MYPN: variants seen among roughly 807,000 people sequenced by gnomAD.
MYPN encodes sarcomeric protein myopalladin, 145 kDa (MYOP).
A neutral mutation model predicts 129.4 loss-of-function variants in MYPN; 63 were observed. That is an observed-to-expected ratio of 0.49 (90% CI 0.40 to 0.60). MYPN has a LOEUF of 0.60. Ranked by LOEUF, MYPN falls within the 20% of genes least tolerant of loss-of-function variation. MYPN has a pLI of 0.00. For missense variants in MYPN, 1,596 were observed against 1,635.4 expected (o/e 0.98, Z 0.42); for synonymous variants, 629 against 600.9 (o/e 1.05, Z -0.68).
intron 10 of MYPN, among the ~76,000 whole-genome samples, chr10:68,171,764 T>C (rs1485147351): frequency 6.6e-6 from 1 of 152,218 alleles, no homozygotes; most frequent in Non-Finnish European, 1.5e-5. Context: ...GGCAAATGTT[T>C]AATGACTGAC....
At chr10:68,122,475 G>A (rs1385297108) in intron 2 of MYPN, 135 bp downstream of exon 2, 6 of 865,658 alleles carry the variant, frequency 6.9e-6, no homozygotes, top group African/African-American at 3.4e-5. Context: ...ATCTAAAGCA[G>A]CTTGGTCCAA....
chr10:68,124,749 C>T (rs1270514583), intron 2 of MYPN, among the ~76,000 whole-genome samples: 2 of 152,122 alleles, frequency 1.3e-5, no homozygotes, highest in Non-Finnish European at 2.9e-5. Flanking sequence ...AACAGGAAAA[C>T]AAGAAACTCA....
chr10:68,202,102 T>C (rs1191471684), intron 18 of MYPN, 108 bp downstream of exon 18: 2 of 1,300,916 alleles, frequency 1.5e-6, no homozygotes, highest in East Asian at 4.6e-5. Context: ...TTTAGAATAA[T>C]GCATTTGCGT....
At chr10:68,205,133 C>T (rs1173796587) in intron 18 of MYPN, among the ~76,000 whole-genome samples, 1 of 152,146 alleles carries the variant, frequency 6.6e-6, no homozygotes, top group Non-Finnish European at 1.5e-5. Flanking sequence ...TTAGTCGTCT[C>T]AGGTCTTTAT....
chr10:68,091,160 T>A (rs1049570255), intron 1 of MYPN, among the ~76,000 whole-genome samples: 1 of 152,110 alleles, frequency 6.6e-6, no homozygotes, highest in Non-Finnish European at 1.5e-5. Context: ...TGGGTAGGCA[T>A]GGACTGGAGA....
Position 68,174,588 on chromosome 10 carries a change from T to C in MYPN, c.2496T>C (p.Ser832=). 6.2e-7 allele frequency: 1 copy of C among 1,614,218 alleles called. No homozygotes were observed. The highest frequency in any genetic ancestry group is 1.1e-5 in the South Asian group (1 of 91,088). ...AGAACCCAGTGGCTTTCCTCAGCTC[T>C]GTTCTGCCTTCTCTCCCTGCCATCC... The part of the protein sequence containing the change: ...RIQNPVAFLS[S]VLPSLPAIPP... Residue 832 remains serine, a synonymous_variant, in exon 11 of 20, where the codon TCT becomes TCC. Transcript: ENST00000358913.
chr10:68,195,999 C>T (rs1298617014), intron 15 of MYPN, among the ~76,000 whole-genome samples: 1 of 152,042 alleles, frequency 6.6e-6, no homozygotes, highest in South Asian at 2.1e-4. Flanking sequence ...AGACAGGTGT[C>T]TCACTATGTT....
intron 1 of MYPN, among the ~76,000 whole-genome samples, chr10:68,095,485 T>C (rs953905301): frequency 2.0e-5 from 3 of 151,918 alleles, no homozygotes; most frequent in Non-Finnish European, 2.9e-5. Flanking sequence ...CAGACCAGGG[T>C]CTCCCTGCCT....
intron 17 of MYPN, 82 bp from the exon 18 acceptor site, chr10:68,201,747 C>G: frequency 6.5e-7 from 1 of 1,529,058 alleles, no homozygotes; most frequent in Non-Finnish European, 8.8e-7. Context: ...TGCCACCACA[C>G]TCCAGCCTGG....
intron 19 of MYPN, among the ~76,000 whole-genome samples, chr10:68,208,615 G>A (rs2043855440): frequency 6.6e-6 from 1 of 152,158 alleles, no homozygotes; most frequent in South Asian, 2.1e-4. Context: ...TGACTCTTGT[G>A]CCAATCCTGC....
chr10:68,143,117 TA>T lies in MYPN; in HGVS notation c.1078+6del. The T allele has an allele frequency of 6.2e-7, 1 of 1,613,542 alleles. No homozygotes were observed. The highest frequency in any genetic ancestry group is 1.1e-5 in the South Asian group (1 of 91,060). On this transcript the variant is annotated splice_donor_region_variant and intron_variant, in intron 3 of 19. Transcript: ENST00000358913. ...CTTCTGCTGAGATTTATATAGAAGG[TA>T]AAACAAAATGCTCTTGGAGTATGAC...
intron 3 of MYPN, among the ~76,000 whole-genome samples, chr10:68,144,564 A>G (rs913598842): frequency 6.6e-6 from 1 of 152,128 alleles, no homozygotes; most frequent in African/African-American, 2.4e-5. Context: ...GCTGTTATAT[A>G]TCTTCGTGGA....
chr10:68,168,023 C>T (rs1263924878), intron 10 of MYPN, among the ~76,000 whole-genome samples: 4 of 152,182 alleles, frequency 2.6e-5, no homozygotes, highest in Admixed American at 1.3e-4. Context: ...GCTGGTTCGC[C>T]CTCTGTCTAC....
At chr10:68,161,843 A>G (rs2042981644) in intron 8 of MYPN, 91 bp downstream of exon 8, 2 of 1,064,320 alleles carry the variant, frequency 1.9e-6, no homozygotes. Flanking sequence ...ATGAATAAAA[A>G]GTGAAAAATA....
At chr10:68,125,477 G>T (rs2042312078) in intron 2 of MYPN, among the ~76,000 whole-genome samples, 1 of 152,168 alleles carries the variant, frequency 6.6e-6, no homozygotes, top group African/African-American at 2.4e-5. Context: ...CCTAAGCACA[G>T]AATTTATATA....
At chr10:68,193,588 G>A (rs1198180769) in intron 13 of MYPN, among the ~76,000 whole-genome samples, 1 of 152,168 alleles carries the variant, frequency 6.6e-6, no homozygotes, top group Non-Finnish European at 1.5e-5. Flanking sequence ...GCAGTCAGCT[G>A]AGAGAAGGAT....
At chr10:68,182,441 C>CATATATACAACAT in intron 12 of MYPN, among the ~76,000 whole-genome samples, 1 of 113,790 alleles carries the variant, frequency 8.8e-6, no homozygotes, top group East Asian at 3.4e-4. Flanking sequence ...ATATATATAA[C>CATATATACAACAT]ATATATATAA....
chr10:68,142,915 A>G (rs2042599435), intron 2 of MYPN, 25 bp from the exon 3 acceptor site: 2 of 1,612,060 alleles, frequency 1.2e-6, no homozygotes, highest in South Asian at 2.2e-5. Flanking sequence ...AGTCATGTCC[A>G]ATGACCATAT....
intron 1 of MYPN, among the ~76,000 whole-genome samples, chr10:68,095,008 C>A (rs1463872701): frequency 6.6e-6 from 1 of 152,078 alleles, no homozygotes; most frequent in African/African-American, 2.4e-5. Context: ...TTGCAGTGAG[C>A]CAAGATTTCA....
Sources: allele counts gnomAD v4.1 joint callset (sites outside exome capture counted in the v4.1 genomes callset), GRCh38; gene constraint gnomAD v4.1.1; transcripts MANE v1.5; gene names NCBI Gene and HGNC (gene_info 2026-07-23, HGNC 2026-07-21).